The following MEIS2 variants were observed in gnomAD, a reference collection of about 807,000 sequenced individuals.
MEIS2 encodes Meis homeobox 2, also known as homeobox protein Meis2.
In MEIS2, 9 loss-of-function variants were observed where a neutral mutation model predicts 58.6. The observed-to-expected ratio is 0.15, with a 90% CI of 0.09 to 0.27. The LOEUF is 0.27. MEIS2 is among the 10% of genes least tolerant of loss of function. The pLI is 1.00. For missense variants in MEIS2, 427 were observed against 635.0 expected (o/e 0.67, Z 3.52); for synonymous variants, 221 against 228.4 (o/e 0.97, Z 0.29).
intron 8 of MEIS2, among the ~76,000 whole-genome samples, chr15:36,959,454 G>A (rs1278500304): frequency 1.3e-5 from 2 of 152,124 alleles, no homozygotes; most frequent in Non-Finnish European, 2.9e-5. Context: ...TTCACTGCCT[G>A]GCATTTAAGA....
At chr15:37,092,369 T>A (rs1306849577) in intron 6 of MEIS2, among the ~76,000 whole-genome samples, 3 of 152,150 alleles carry the variant, frequency 2.0e-5, no homozygotes, top group African/African-American at 7.2e-5. Flanking sequence ...TACTAAGGCA[T>A]CCCAATTCAT....
At chr15:36,925,362 C>T (rs970094135) in intron 9 of MEIS2, among the ~76,000 whole-genome samples, 3 of 152,078 alleles carry the variant, frequency 2.0e-5, no homozygotes, top group Admixed American at 6.5e-5. Context: ...GATGGAGGGG[C>T]GCACCCTGTG....
intron 9 of MEIS2, among the ~76,000 whole-genome samples, chr15:36,912,935 G>C (rs1595709279): frequency 6.6e-6 from 1 of 152,114 alleles, no homozygotes; most frequent in African/African-American, 2.4e-5. Context: ...GGCTGTGGAA[G>C]GGCTTGAAGG....
intron 7 of MEIS2, among the ~76,000 whole-genome samples, chr15:37,077,681 C>G (rs1486760170): frequency 4.6e-5 from 7 of 152,124 alleles, no homozygotes; most frequent in African/African-American, 1.4e-4. Flanking sequence ...AAAGATGGCA[C>G]ACACATTTGT....
At chr15:37,039,301 T>C (rs2062309908) in intron 7 of MEIS2, among the ~76,000 whole-genome samples, 1 of 152,244 alleles carries the variant, frequency 6.6e-6, no homozygotes, top group Non-Finnish European at 1.5e-5. Context: ...CTTCCAAATA[T>C]AAAAACACAC....
intron 8 of MEIS2, among the ~76,000 whole-genome samples, chr15:37,009,923 G>C (rs2061073203): frequency 6.6e-6 from 1 of 152,178 alleles, no homozygotes; most frequent in East Asian, 1.9e-4. Flanking sequence ...TGTATTTAGT[G>C]GTTGTTCAAT....
intron 2 of MEIS2, among the ~76,000 whole-genome samples, chr15:37,096,681 C>G (rs1304240364): frequency 1.3e-5 from 2 of 151,974 alleles, no homozygotes; most frequent in Non-Finnish European, 2.9e-5. Context: ...CACTGCAGCC[C>G]GACAAATAAA....
At chr15:36,987,579 T>G (rs1784172142) in intron 8 of MEIS2, among the ~76,000 whole-genome samples, 1 of 152,124 alleles carries the variant, frequency 6.6e-6, no homozygotes, top group African/African-American at 2.4e-5. Flanking sequence ...TTTCATGGGC[T>G]GGGGTGAAAT....
chr15:36,960,613 A>G (rs2059148018), intron 8 of MEIS2, among the ~76,000 whole-genome samples: 1 of 152,132 alleles, frequency 6.6e-6, no homozygotes, highest in Non-Finnish European at 1.5e-5. Flanking sequence ...AAGGTTCAGA[A>G]CTACTTTCTT....
chr15:37,013,389 G>A (rs1276047579), intron 8 of MEIS2, among the ~76,000 whole-genome samples: 1 of 151,858 alleles, frequency 6.6e-6, no homozygotes, highest in Non-Finnish European at 1.5e-5. Flanking sequence ...TGACCAACAT[G>A]GTGAAACCCC....
Position 37,033,841 on chromosome 15 carries a change from AT to A in MEIS2, c.900+2972del, listed in dbSNP as rs1169548172. On this transcript the variant is annotated intron_variant, in intron 8 of 11. Transcript: ENST00000561208. ...TACAGCTGAGTAAATCTTTCAGCTC[AT>A]TAAAGATTGGAAAGTAAAAGTTTTA... 2.0e-5 allele frequency among the ~76,000 whole-genome samples: 3 copies of A among 152,296 alleles called. No homozygotes were observed. In the East Asian group the frequency reaches 5.8e-4, roughly 29 times the overall value.
intron 7 of MEIS2, among the ~76,000 whole-genome samples, chr15:37,058,288 A>G (rs1888717308): frequency 6.6e-6 from 1 of 152,220 alleles, no homozygotes; most frequent in South Asian, 2.1e-4. Flanking sequence ...ACACACATTT[A>G]TAGGATAACT....
chr15:36,939,995 G>A (rs1205130515), intron 9 of MEIS2, among the ~76,000 whole-genome samples: 1 of 152,128 alleles, frequency 6.6e-6, no homozygotes, highest in Non-Finnish European at 1.5e-5. Context: ...ATAATCTAAG[G>A]ACATGACACT....
At chr15:36,941,453 G>T (rs956242684) in intron 9 of MEIS2, among the ~76,000 whole-genome samples, 7 of 152,142 alleles carry the variant, frequency 4.6e-5, no homozygotes, top group Non-Finnish European at 8.8e-5. Context: ...GCATTGTGTT[G>T]CATGCAGGTT....
chr15:37,093,929 T>C (rs1336781149), intron 5 of MEIS2, 199 bp from the exon 6 acceptor site: 4 of 605,078 alleles, frequency 6.6e-6, no homozygotes, highest in Non-Finnish European at 1.1e-5. Flanking sequence ...GCAGCAGATA[T>C]TATTCTCCAG....
At chr15:37,003,221 T>C (rs538620097) in intron 8 of MEIS2, among the ~76,000 whole-genome samples, 18 of 152,098 alleles carry the variant, frequency 1.2e-4, no homozygotes, top group African/African-American at 4.3e-4. Flanking sequence ...CACTGGGCCA[T>C]AGACTCTGCC....
chr15:37,052,750 T>C (rs1220405474), intron 7 of MEIS2, among the ~76,000 whole-genome samples: 2 of 152,180 alleles, frequency 1.3e-5, no homozygotes, highest in African/African-American at 2.4e-5. Context: ...AAAATGAAAA[T>C]AGAGTCACCG....
At chr15:37,011,136 T>A (rs1246943291) in intron 8 of MEIS2, among the ~76,000 whole-genome samples, 3 of 152,244 alleles carry the variant, frequency 2.0e-5, no homozygotes, top group Admixed American at 2.0e-4. Context: ...AATAGCTCTG[T>A]ATGTAAGTAT....
At position 36,954,017 on chromosome 15, in the gene MEIS2, G is replaced by T. The variant is rs186946180; in HGVS notation, c.901-3617C>A. Among the ~76,000 whole-genome samples the T allele has an allele frequency of 3.3e-5, 5 of 152,180 alleles. No individual in the cohort carries two copies. The East Asian group carries it at 9.6e-4, about 29-fold the overall frequency. On this transcript the variant is annotated intron_variant, in intron 8 of 11. Coordinates refer to ENST00000561208, the MANE Select transcript of MEIS2 (RefSeq NM_170675.5). The stretch of plus-strand genomic sequence containing the variant: ...ACCAATTTATCATAAACTTTATTCT[G>T]TGTTAAAAGAATTTATATTGATGTT...
Sources: gnomAD v4.1 joint callset for allele counts (sites outside exome capture counted in the v4.1 genomes callset) on GRCh38, gnomAD v4.1.1 for gene constraint, MANE v1.5 for transcripts, NCBI Gene and HGNC (gene_info 2026-07-23, HGNC 2026-07-21) for gene names.